The following DNPEP variants were observed in gnomAD, a reference collection of about 807,000 sequenced individuals.
The protein encoded by DNPEP is aspartyl aminopeptidase.
Under a neutral mutation model 59.1 loss-of-function variants are expected in DNPEP, and 46 were observed. That is an observed-to-expected ratio of 0.78 (90% CI 0.61 to 0.99). DNPEP has a LOEUF of 0.99. Ranked by LOEUF, DNPEP falls within the 50% of genes least tolerant of loss-of-function variation. DNPEP has a pLI of 0.00. For missense variants in DNPEP, 617 were observed against 649.9 expected, an observed-to-expected ratio of 0.95 and a Z score of 0.55; for synonymous variants, 229 against 242.2, an observed-to-expected ratio of 0.95 and a Z score of 0.50.
At chr2:219,399,398 C>T (rs1266593683) in intron 1 of DNPEP, 3 of 456,772 alleles carry the variant, frequency 6.6e-6, no homozygotes, top group South Asian at 3.1e-5. Context: ...GGTGCGAATC[C>T]CCCGGAGTGC....
chr2:219,381,471 A>C lies in DNPEP; in HGVS notation c.1138-35T>G, dbSNP rs150384275. 8.6e-3 allele frequency: 13,851 copies of C among 1,613,800 alleles called. 85 individuals are homozygous for C. Among genetic ancestry groups the C allele is most frequent in the South Asian group, 0.01 (937 of 91,070 alleles). Reference sequence around the variant, plus strand: ...GTCAAGGTGAGGCAGAGGTAATGACAGGCCCAAAGGGAATGAGTCGGCGCT... The same window carrying C: ...GTCAAGGTGAGGCAGAGGTAATGACCGGCCCAAAGGGAATGAGTCGGCGCT... On this transcript the variant is annotated intron_variant, in intron 12 of 14. Coordinates refer to ENST00000273075, the MANE Select transcript of DNPEP (RefSeq NM_012100.4).
intron 11 of DNPEP, 177 bp downstream of exon 11, chr2:219,381,801 GC>G: frequency 1.2e-6 from 1 of 860,018 alleles, no homozygotes; most frequent in Non-Finnish European, 1.8e-6. Flanking sequence ...CCTGGGTTAG[GC>G]ATTGCATGAC....
rs1801951 is a variant in DNPEP, at chr2:219,374,314, C to T, written c.1436G>A (p.Ser479Asn). Residue 479 changes from serine (S) to asparagine (N), a missense_variant, in exon 15 of 15, where the codon AGC (serine) becomes AAC (asparagine). Coordinates refer to ENST00000273075, the MANE Select transcript of DNPEP (RefSeq NM_012100.4). ...GGCTCAATCCACTAAGAGATTATGG[C>T]TTAGAGAAGGGAACAGCTCAAAGAA... The part of the protein sequence containing the change: ...KGFFELFPSL[S>N]HNLLVD The T allele has an allele frequency of 6.2e-7, 1 of 1,614,120 alleles. No individual in the cohort carries two copies. The highest frequency in any genetic ancestry group is 1.1e-5 in the South Asian group (1 of 91,080).
chr2:219,384,551 T>G, intron 8 of DNPEP, 108 bp from the exon 9 acceptor site: 1 of 823,024 alleles, frequency 1.2e-6, no homozygotes, highest in Non-Finnish European at 1.9e-6. Context: ...CCCTGACCCC[T>G]GGCTTAGGGC....
At chr2:219,384,789 G>A (rs557506998) in intron 8 of DNPEP, 20 of 235,892 alleles carry the variant, frequency 8.5e-5, no homozygotes, top group South Asian at 7.4e-4. Context: ...GGCTAGTCTC[G>A]AACTCCTGAC....
chr2:219,384,435 A>G lies in DNPEP; in HGVS notation c.783T>C (p.Gly261=). Residue 261 remains glycine (G), a synonymous_variant, in exon 9 of 15, where the codon GGT becomes GGC. Coordinates refer to ENST00000273075, the MANE Select transcript of DNPEP (RefSeq NM_012100.4). ...CLADTQPAVL[G]GAYDEFIFAP... ...CAAAGATGAACTCATCATAGGCACC[A>G]CCCAAGACCTAGAGAGGTAAGACAG... 6.2e-7 allele frequency: 1 copy of G among 1,610,540 alleles called. No individual in the cohort carries two copies. Among genetic ancestry groups the G allele is most frequent in the African/African-American group, 1.3e-5 (1 of 74,846 alleles).
At position 219,372,351 on chromosome 2, in the gene DNPEP, A is replaced by G. The variant is rs2125120469; in HGVS notation, c.*1941T>C. Among the ~76,000 whole-genome samples the G allele has an allele frequency of 6.6e-6, 1 of 152,208 alleles. No homozygotes were observed. The highest frequency in any genetic ancestry group is 1.5e-5 in the Non-Finnish European group (1 of 68,020). On this transcript the variant is annotated 3_prime_UTR_variant, in exon 15 of 15. Transcript: ENST00000273075. ...TGTATACATCTACGTGCATATTTAT[A>G]TACACATAAAAATATATAATAATTT...
chr2:219,385,776 G>T, intron 6 of DNPEP, 70 bp from the exon 7 acceptor site: 1 of 1,461,022 alleles, frequency 6.8e-7, no homozygotes, highest in East Asian at 2.5e-5. Flanking sequence ...CATAAGTTCA[G>T]GTGCCTCCTG....
upstream of DNPEP, among the ~76,000 whole-genome samples, chr2:219,390,795 A>T (rs1954004643): frequency 6.6e-6 from 1 of 152,172 alleles, no homozygotes; most frequent in Admixed American, 6.6e-5. Context: ...GTGCCATTGC[A>T]CTCCAGCCCA....
chr2:219,386,870 A>ACC, intron 3 of DNPEP, 22 bp downstream of exon 3: 2 of 1,431,926 alleles, frequency 1.4e-6, no homozygotes, highest in Non-Finnish European at 2.0e-6. Context: ...CTGCCTTTCC[A>ACC]CCCCCACCCC....
At chr2:219,391,265 C>T (rs1042051359), upstream of DNPEP, among the ~76,000 whole-genome samples, 6 of 152,304 alleles carry the variant, frequency 3.9e-5, no homozygotes, top group Non-Finnish European at 4.4e-5. Context: ...CAGCCTCTTT[C>T]GTCGGCTTTT....
chr2:219,387,664 G>C, intron 1 of DNPEP, 95 bp downstream of exon 1: 1 of 1,573,002 alleles, frequency 6.4e-7, no homozygotes, highest in Non-Finnish European at 8.6e-7. Flanking sequence ...TGGGTCAGGC[G>C]GCCCCACTGC....
At chr2:219,379,053 G>A (rs530174099) in intron 13 of DNPEP, among the ~76,000 whole-genome samples, 1 of 152,210 alleles carries the variant, frequency 6.6e-6, no homozygotes, top group East Asian at 1.9e-4. Flanking sequence ...GAGTAGCTGG[G>A]ATTACAGGCG....
At chr2:219,394,157 C>G (rs144069244) in intron 1 of DNPEP, among the ~76,000 whole-genome samples, 1 of 152,160 alleles carries the variant, frequency 6.6e-6, no homozygotes, top group African/African-American at 2.4e-5. Flanking sequence ...GATTCCTCTC[C>G]TCCCATTCTC....
chr2:219,383,145 A>G lies in DNPEP; in HGVS notation c.922T>C (p.Tyr308His), dbSNP rs1953668288. ...TEPHVRMVTL[Y>H]DNEEVGSESA... ...CCTCCACGTACCTCTTCGTTGTCAT[A>G]GAGTGTGACCATGCGCACGTGAGGC... Residue 308 changes from tyrosine (Y) to histidine (H), a missense_variant, in exon 10 of 15, where the codon TAT becomes CAT. By Grantham distance (83) the Tyr-to-His change is moderately conservative. Transcript: ENST00000273075. 6.2e-7 allele frequency: 1 copy of G among 1,614,004 alleles called. No homozygotes were observed. Among genetic ancestry groups the G allele is most frequent in the East Asian group, 2.2e-5 (1 of 44,888 alleles).
At chr2:219,399,690 A>G (rs13018645) in intron 1 of DNPEP, among the ~76,000 whole-genome samples, 77,468 of 152,166 alleles carry the variant, frequency 0.51, 24,077 homozygotes, top group South Asian at 0.72. Flanking sequence ...GATGAGTATT[A>G]TTCTGTTAAG....
chr2:219,377,111 T>C (rs1010679303), intron 13 of DNPEP, among the ~76,000 whole-genome samples: 1 of 151,542 alleles, frequency 6.6e-6, no homozygotes, highest in Non-Finnish European at 1.5e-5. Flanking sequence ...CTGTCTCTAC[T>C]AAAAATACAA....
At chr2:219,389,242 G>A (rs182014102), upstream of DNPEP, among the ~76,000 whole-genome samples, 19 of 152,200 alleles carry the variant, frequency 1.2e-4, no homozygotes, top group African/African-American at 3.6e-4. Flanking sequence ...TGAGTAGCAC[G>A]TTTAAACCCC....
chr2:219,387,657 G>T (rs529670160), intron 1 of DNPEP, 102 bp downstream of exon 1: 42 of 1,566,112 alleles, frequency 2.7e-5, no homozygotes, highest in Non-Finnish European at 3.5e-5. Flanking sequence ...TTCGCTTTGG[G>T]TCAGGCGGCC....
Sources: allele counts gnomAD v4.1 joint callset (sites outside exome capture counted in the v4.1 genomes callset), GRCh38; gene constraint gnomAD v4.1.1; transcripts MANE v1.5; gene names NCBI Gene and HGNC (gene_info 2026-07-23, HGNC 2026-07-21).